DOCK3: variants seen among roughly 807,000 people sequenced by gnomAD.
DOCK3 encodes the protein dedicator of cytokinesis protein 3.
A neutral mutation model predicts 265.6 loss-of-function variants in DOCK3; 60 were observed. The observed-to-expected ratio is 0.23, with a 90% confidence interval of 0.18 to 0.28. The LOEUF (loss-of-function observed/expected upper bound fraction) is 0.28. Ranked by LOEUF, DOCK3 falls within the 10% of genes least tolerant of loss-of-function variation. The pLI, the probability that DOCK3 is intolerant of heterozygous loss-of-function variation, is 1.00. For synonymous variants in DOCK3, 881 were observed against 938.0 expected (o/e 0.94, Z 1.11); for missense variants, 1,981 against 2,594.3 (o/e 0.76, Z 5.14).
chr3:51,188,743 T>C (rs2087762035), intron 12 of DOCK3, among the ~76,000 whole-genome samples: 1 of 152,182 alleles, frequency 6.6e-6, no homozygotes, highest in South Asian at 2.1e-4. Context: ...TTACTAAAGG[T>C]AACATGGTTT....
chr3:51,153,448 C>G (rs560153495), intron 10 of DOCK3, among the ~76,000 whole-genome samples: 24 of 152,358 alleles, frequency 1.6e-4, no homozygotes, highest in African/African-American at 5.8e-4. Context: ...AATCCCCCGA[C>G]CCATTGCACT....
chr3:50,993,687 T>C (rs917381628), intron 5 of DOCK3, among the ~76,000 whole-genome samples: 2 of 152,268 alleles, frequency 1.3e-5, no homozygotes, highest in Non-Finnish European at 2.9e-5. Flanking sequence ...GCTTTCATTC[T>C]GATCTGTCAT....
intron 35 of DOCK3, chr3:51,336,941 C>A: frequency 2.2e-6 from 1 of 454,582 alleles, no homozygotes; most frequent in Non-Finnish European, 4.4e-6. Context: ...GAGACAGATG[C>A]CTTCTACCAT....
intron 9 of DOCK3, among the ~76,000 whole-genome samples, chr3:51,093,553 GTTAC>G (rs1240807719): frequency 6.6e-6 from 1 of 152,218 alleles, no homozygotes; most frequent in Non-Finnish European, 1.5e-5. Flanking sequence ...CTTTGCTGAA[GTTAC>G]TTATCAGCTT....
rs61097732 is a variant in DOCK3 at position 51,021,661 on chromosome 3, C to CTTTTTTTTTTT, written c.316-42785_316-42775dup. On this transcript the variant is annotated intron_variant, in intron 5 of 52. Transcript: ENST00000266037. ...AATAGATAATTTCTGGGAGAACTTCCTTTTTTTTTTTTCTTTTTGAGACGG... is the reference window on the plus strand; with the variant it reads ...AATAGATAATTTCTGGGAGAACTTCCTTTTTTTTTTTTTTTTTTTTTTTCTTTTTGAGACGG... Among the ~76,000 whole-genome samples the CTTTTTTTTTTT allele has an allele frequency of 4.2e-5, 6 of 142,818 alleles. 1 individual carries two copies. Among genetic ancestry groups the CTTTTTTTTTTT allele is most frequent in the Non-Finnish European group, 6.0e-5 (4 of 66,504 alleles). The allele number at this position is 142,818 out of a possible 152,430, so 93.7% of individuals were successfully genotyped here. A position where few individuals can be genotyped will look rare whatever the true frequency, so the allele number is the denominator to read the frequency against.
chr3:50,795,648 CT>C (rs540140210), intron 2 of DOCK3, among the ~76,000 whole-genome samples: 67 of 150,678 alleles, frequency 4.4e-4, no homozygotes, highest in Non-Finnish European at 8.3e-4. Context: ...TGGATTTGGT[CT>C]GTTTACATAA....
At chr3:50,757,744 T>TA (rs1474403424) in intron 1 of DOCK3, among the ~76,000 whole-genome samples, 2 of 152,230 alleles carry the variant, frequency 1.3e-5, no homozygotes, top group Admixed American at 6.5e-5. Context: ...GTTTAGCTCT[T>TA]ACATTTAGGT....
intron 2 of DOCK3, among the ~76,000 whole-genome samples, chr3:50,802,112 A>G (rs537701848): frequency 6.6e-6 from 1 of 152,254 alleles, no homozygotes; most frequent in African/African-American, 2.4e-5. Flanking sequence ...GCTTGTAGGC[A>G]GTATATCATA....
chr3:51,049,626 G>C (rs1029535484), intron 5 of DOCK3, among the ~76,000 whole-genome samples: 1 of 152,088 alleles, frequency 6.6e-6, no homozygotes, highest in African/African-American at 2.4e-5. Flanking sequence ...TAGAATTTTG[G>C]AGCATTTTGG....
At position 51,359,713 on chromosome 3, in the gene DOCK3, C is replaced by T. The variant is rs1306405580; in HGVS notation, c.4885-798C>T. Among the ~76,000 whole-genome samples the T allele has an allele frequency of 6.6e-6, 1 of 152,262 alleles. No individual in the cohort carries two copies. Among genetic ancestry groups the T allele is most frequent in the Admixed American group, 6.5e-5 (1 of 15,286 alleles). On this transcript the variant is annotated intron_variant, in intron 46 of 52. Transcript: ENST00000266037. The surrounding 1 kb of genome is among the most constrained non-coding windows in gnomAD (Gnocchi z 4.8). ...TTCCGTGTGCACACATAGCCTTTCT[C>T]CAGCTACAGAAATACATTTTAGCCC...
At chr3:51,096,344 CTT>C (rs951064697) in intron 9 of DOCK3, among the ~76,000 whole-genome samples, 11 of 149,022 alleles carry the variant, frequency 7.4e-5, no homozygotes, top group African/African-American at 2.7e-4. Context: ...CTTTTCTTTT[CTT>C]TTTTTTTTCT....
chr3:51,279,352 C>T (rs983760636), intron 26 of DOCK3, among the ~76,000 whole-genome samples: 1 of 152,120 alleles, frequency 6.6e-6, no homozygotes, highest in Non-Finnish European at 1.5e-5. Context: ...TTGAAAATTG[C>T]CCAAGTGAAG....
chr3:51,088,491 A>G (rs971253375), intron 7 of DOCK3, among the ~76,000 whole-genome samples: 3 of 152,256 alleles, frequency 2.0e-5, no homozygotes, highest in Non-Finnish European at 2.9e-5. Flanking sequence ...TGATAATTAT[A>G]CATTGTATGC....
At chr3:51,202,177 C>T (rs1249031446) in intron 12 of DOCK3, among the ~76,000 whole-genome samples, 1 of 110,520 alleles carries the variant, frequency 9.0e-6, no homozygotes, top group Admixed American at 9.7e-5. Flanking sequence ...AAGAGCAGAA[C>T]TGAAGGAAAT....
chr3:51,345,903 G>T (rs1252406270), intron 38 of DOCK3, among the ~76,000 whole-genome samples: 1 of 152,126 alleles, frequency 6.6e-6, no homozygotes, highest in Non-Finnish European at 1.5e-5. Flanking sequence ...TTATATCTGA[G>T]ATTTGTTTCA....
chr3:51,304,919 C>A (rs2082568622), intron 27 of DOCK3, among the ~76,000 whole-genome samples: 1 of 152,212 alleles, frequency 6.6e-6, no homozygotes, highest in Non-Finnish European at 1.5e-5. Flanking sequence ...CCTCACCCCT[C>A]TGATTTTACT....
At position 51,260,259 on chromosome 3, in the gene DOCK3, T is replaced by C; in HGVS notation, c.2288T>C (p.Leu763Pro). 1 of 1,613,928 alleles carries C rather than the reference T, an allele frequency of 6.2e-7. No homozygotes were observed. The highest frequency in any genetic ancestry group is 8.5e-7 in the Non-Finnish European group (1 of 1,179,870). ...CAATTCAGATCCAGTATCCAAGAAC[T>C]TTTCCAGTCCATCCGGTTTGTGCTC... is the stretch of plus-strand genomic sequence containing the variant. ...EEQFRSSIQE[L>P]FQSIRFVLSL... Residue 763 changes from leucine to proline, a missense_variant, in exon 23 of 53, where the codon CTT (leucine) becomes CCT (proline). This residue lies in a region of DOCK3 where 1,357 missense variants were observed against 1,866.8 expected (regional missense o/e 0.73). Coordinates refer to ENST00000266037, the MANE Select transcript of DOCK3 (RefSeq NM_004947.5).
At chr3:51,190,598 A>G (rs1046484350) in intron 12 of DOCK3, among the ~76,000 whole-genome samples, 1 of 152,202 alleles carries the variant, frequency 6.6e-6, no homozygotes, top group African/African-American at 2.4e-5. Flanking sequence ...AGATTCTGCA[A>G]TGAACTGTGT....
intron 4 of DOCK3, among the ~76,000 whole-genome samples, chr3:50,895,433 A>T (rs1483407493): frequency 6.6e-6 from 1 of 151,700 alleles, no homozygotes; most frequent in East Asian, 1.9e-4. Flanking sequence ...AGGAATGAGC[A>T]TTGCAATGGC....
Sources: gnomAD v4.1 joint callset for allele counts (sites outside exome capture counted in the v4.1 genomes callset) on GRCh38, gnomAD v4.1.1 for gene constraint, gnomAD v4.1.1 regional missense constraint, Gnocchi (gnomAD v3.1) non-coding constraint, MANE v1.5 for transcripts, NCBI Gene and HGNC (gene_info 2026-07-23, HGNC 2026-07-21) for gene names.